The following HDAC9 variants were observed in gnomAD, a reference collection of about 807,000 sequenced individuals.
HDAC9 encodes the protein histone deacetylase 9.
In HDAC9, 41 loss-of-function variants were observed where a neutral mutation model predicts 139.4. The ratio of observed to expected loss-of-function variants is 0.29; its 90% confidence interval spans 0.23 to 0.38. The LOEUF is 0.38. Ranked by LOEUF, HDAC9 falls within the 10% of genes least tolerant of loss-of-function variation. The pLI, the probability that HDAC9 is intolerant of heterozygous loss-of-function variation, is 1.00. For synonymous variants in HDAC9, 517 were observed against 476.2 expected (o/e 1.09, Z -1.12); for missense variants, 1,147 against 1,297.0 (o/e 0.88, Z 1.78).
chr7:18,665,970 GA>G (rs1210018996), intron 11 of HDAC9, among the ~76,000 whole-genome samples: 1 of 151,882 alleles, frequency 6.6e-6, no homozygotes, highest in Non-Finnish European at 1.5e-5. Context: ...CCATTAAAAA[GA>G]AAAAACAATC....
chr7:18,244,525 G>T (rs531544334), intron 2 of HDAC9, among the ~76,000 whole-genome samples: 7 of 152,302 alleles, frequency 4.6e-5, no homozygotes, highest in Admixed American at 6.5e-5. Context: ...GCGGCTAGGC[G>T]TGCTGGCTCA....
At chr7:18,740,854 G>T (rs768823314) in intron 13 of HDAC9, among the ~76,000 whole-genome samples, 8 of 152,178 alleles carry the variant, frequency 5.3e-5, no homozygotes, top group Non-Finnish European at 1.0e-4. Flanking sequence ...TGATAAGAAA[G>T]CAAAACAGCC....
chr7:18,938,439 CA>C (rs1781803100), intron 23 of HDAC9, among the ~76,000 whole-genome samples: 1 of 151,630 alleles, frequency 6.6e-6, no homozygotes, highest in East Asian at 2.0e-4. Context: ...ACTAAAAATA[CA>C]AAAAATTAGC....
chr7:18,502,401 C>T (rs1798630647), intron 2 of HDAC9: 1 of 152,152 alleles, frequency 6.6e-6, no homozygotes, highest in Non-Finnish European at 1.5e-5. Context: ...CCTAAACCTG[C>T]TCAAGTTTCT....
chr7:18,694,055 T>G (rs1398916080), intron 12 of HDAC9, among the ~76,000 whole-genome samples: 1 of 152,156 alleles, frequency 6.6e-6, no homozygotes, highest in Non-Finnish European at 1.5e-5. Context: ...AAATTATAGT[T>G]TTCACATTTG....
At chr7:18,451,727 G>T (rs2097458172) in intron 1 of HDAC9, among the ~76,000 whole-genome samples, 1 of 151,942 alleles carries the variant, frequency 6.6e-6, no homozygotes, top group Admixed American at 6.6e-5. Context: ...GGAAACATTT[G>T]CTATTCAGCC....
intron 2 of HDAC9, among the ~76,000 whole-genome samples, chr7:18,507,264 C>A (rs1431722324): frequency 6.6e-6 from 1 of 150,952 alleles, no homozygotes; most frequent in East Asian, 1.9e-4. Flanking sequence ...GATCTCGGCT[C>A]ACTGCAAGCT....
intron 25 of HDAC9, among the ~76,000 whole-genome samples, chr7:18,977,997 G>T (rs763302116): frequency 6.6e-6 from 1 of 151,246 alleles, no homozygotes; most frequent in Non-Finnish European, 1.5e-5. Context: ...AAGCCACAGA[G>T]CATTTACTCT....
At chr7:18,526,548 A>G (rs1481203304) in intron 2 of HDAC9, among the ~76,000 whole-genome samples, 3 of 152,208 alleles carry the variant, frequency 2.0e-5, no homozygotes, top group East Asian at 3.8e-4. Context: ...ATGTGTCACC[A>G]AAACATATTA....
At chr7:18,701,650 C>T (rs547189604) in intron 12 of HDAC9, among the ~76,000 whole-genome samples, 22 of 152,308 alleles carry the variant, frequency 1.4e-4, no homozygotes, top group African/African-American at 4.6e-4. Context: ...TAAATAATTT[C>T]GTCATGGGAA....
intron 2 of HDAC9, among the ~76,000 whole-genome samples, chr7:18,554,222 G>A (rs1818024783): frequency 6.7e-6 from 1 of 149,872 alleles, no homozygotes; most frequent in South Asian, 2.1e-4. Context: ...CTATATTGTC[G>A]AAACTATGTT....
chr7:18,817,038 GT>G (rs11308990), intron 17 of HDAC9, among the ~76,000 whole-genome samples: 57,989 of 140,274 alleles, frequency 0.41, 12,838 homozygotes, highest in African/African-American at 0.64. Flanking sequence ...GAAGTTTTTT[GT>G]TTTTTTTTTT....
intron 12 of HDAC9, among the ~76,000 whole-genome samples, chr7:18,687,154 A>G (rs1782333933): frequency 6.6e-6 from 1 of 151,792 alleles, no homozygotes; most frequent in Non-Finnish European, 1.5e-5. Context: ...TCCTATCAAA[A>G]TTCTTAGTGT....
At chr7:18,735,435 G>T (rs2129137658) in intron 13 of HDAC9, among the ~76,000 whole-genome samples, 1 of 152,202 alleles carries the variant, frequency 6.6e-6, no homozygotes, top group Middle Eastern at 3.4e-3. Flanking sequence ...AAGGGATCCA[G>T]TTCAGCTTTC....
chr7:18,438,839 T>C (rs1791475996), intron 1 of HDAC9, among the ~76,000 whole-genome samples: 1 of 152,168 alleles, frequency 6.6e-6, no homozygotes, highest in Non-Finnish European at 1.5e-5. Context: ...TTATTTTCAT[T>C]TTATGGGACT....
intron 1 of HDAC9, chr7:18,088,144 T>C (rs1781912177): frequency 6.6e-6 from 1 of 152,210 alleles, no homozygotes; most frequent in Non-Finnish European, 1.5e-5. Context: ...AACTGTAGCA[T>C]TTTGAAATCC....
chr7:18,187,606 T>G (rs1790015214), intron 2 of HDAC9, among the ~76,000 whole-genome samples: 1 of 152,196 alleles, frequency 6.6e-6, no homozygotes, highest in South Asian at 2.1e-4. Flanking sequence ...CCATTTTTGT[T>G]GCCAACCTTT....
intron 2 of HDAC9, chr7:18,578,045 G>A (rs532087997): frequency 6.4e-6 from 3 of 468,042 alleles, no homozygotes; most frequent in Non-Finnish European, 8.6e-6. Context: ...ATCCCCACCA[G>A]CTTAGCTTGA....
At chr7:18,327,430 G>T (rs1800546784) in intron 1 of HDAC9, 1 of 151,666 alleles carries the variant, frequency 6.6e-6, no homozygotes, top group Non-Finnish European at 1.5e-5. Flanking sequence ...GCTGATAATT[G>T]ATCATTTCTG....
Sources: allele counts gnomAD v4.1 joint callset (sites outside exome capture counted in the v4.1 genomes callset), GRCh38; gene constraint gnomAD v4.1.1; transcripts MANE v1.5; gene names NCBI Gene and HGNC (gene_info 2026-07-23, HGNC 2026-07-21).